The following EIF2S3B variants were observed in gnomAD, a reference collection of about 807,000 sequenced individuals.
The protein encoded by EIF2S3B is eukaryotic translation initiation factor 2 subunit 3B.
Under a neutral mutation model 26.4 loss-of-function variants are expected in EIF2S3B, and 16 were observed. The observed-to-expected ratio is 0.61, with a 90% CI of 0.41 to 0.92. EIF2S3B has a LOEUF of 0.92. Ranked by LOEUF, EIF2S3B falls within the 40% of genes least tolerant of loss-of-function variation. The probability of loss-of-function intolerance (pLI) is 0.00; values close to 1 mark genes in which losing one functional copy is unlikely to be tolerated. For synonymous variants in EIF2S3B, 183 were observed against 204.4 expected, an observed-to-expected ratio of 0.90 and a Z score of 0.89; for missense variants, 510 against 575.5, an observed-to-expected ratio of 0.89 and a Z score of 1.16.
At chr12:10,518,719 ACAAACAGAGAGC>A (rs1181113633) in intron 1 of EIF2S3B, among the ~76,000 whole-genome samples, 2 of 151,978 alleles carry the variant, frequency 1.3e-5, no homozygotes, top group Non-Finnish European at 2.9e-5. Context: ...CCAACAACAG[ACAAACAGAGAGC>A]CAAATCATGA....
rs752802018 is a variant in EIF2S3B at position 10,505,957 on chromosome 12, G to T, written c.55G>T (p.Asp19Tyr). Residue 19 changes from aspartate to tyrosine, a missense_variant, in exon 1 of 1, where the codon GAT (aspartate) becomes TAT (tyrosine). Coordinates refer to ENST00000538173, the MANE Select transcript of EIF2S3B (RefSeq NM_001357734.3). ...GGGGCAGCCGCACCTTTCGCGTCAGGATCTCACCACCTTGGATGTTACCAA... is the reference window on the plus strand; with the variant it reads ...GGGGCAGCCGCACCTTTCGCGTCAGTATCTCACCACCTTGGATGTTACCAA... ...TLGQPHLSRQ[D>Y]LTTLDVTKLT... is the part of the protein sequence containing the mutation. 1 of 1,604,356 alleles carries T rather than the reference G, an allele frequency of 6.2e-7. No homozygotes were observed. Among genetic ancestry groups the T allele is most frequent in the Non-Finnish European group, 8.5e-7 (1 of 1,171,092 alleles).
chr12:10,513,829 AC>A (rs1478231089), intron 1 of EIF2S3B, among the ~76,000 whole-genome samples: 1 of 152,212 alleles, frequency 6.6e-6, no homozygotes, highest in East Asian at 1.9e-4. Context: ...AGCCTGACCA[AC>A]ATGGTGAAAC....
Position 10,506,101 on chromosome 12 carries a change from G to A in EIF2S3B, c.199G>A (p.Val67Ile), listed in dbSNP as rs761401996. The change falls in exon 1 of 1, where the codon GTC becomes ATC. Residue 67 changes from valine (V) to isoleucine (I), a missense_variant. Coordinates refer to ENST00000538173, the MANE Select transcript of EIF2S3B (RefSeq NM_001357734.3). ...CAAAGCTATTTCTGGAGTTCACACC[G>A]TCAGGTTCAAAAATGAACTAGAAAG... The part of the protein sequence containing the change: ...VVKAISGVHT[V>I]RFKNELERNI... 56 of 1,592,986 alleles carry A rather than the reference G, an allele frequency of 3.5e-5. No individual in the cohort carries two copies. The highest frequency in any genetic ancestry group is 4.2e-5 in the Non-Finnish European group (49 of 1,160,858).
chr12:10,515,082 T>G (rs1299082327), intron 1 of EIF2S3B, among the ~76,000 whole-genome samples: 1 of 152,134 alleles, frequency 6.6e-6, no homozygotes, highest in East Asian at 1.9e-4. Flanking sequence ...ACCCAAGAAC[T>G]ATTTGCAATT....
downstream of EIF2S3B, among the ~76,000 whole-genome samples, chr12:10,511,446 C>T (rs981793817): frequency 6.6e-6 from 1 of 151,990 alleles, no homozygotes; most frequent in Non-Finnish European, 1.5e-5. Context: ...CATGAGCTAC[C>T]GCACCTGGCA....
chr12:10,506,040 A>C lies in EIF2S3B; in HGVS notation c.138A>C (p.Thr46=). The change falls in exon 1 of 1, where the codon ACA becomes ACC. Residue 46 remains threonine (T), a synonymous_variant. Coordinates refer to ENST00000538173, the MANE Select transcript of EIF2S3B (RefSeq NM_001357734.3). The part of the protein sequence containing the change: ...ISRQATINIG[T]IGHVAHGKST... Reference sequence around the variant, plus strand: ...GACAAGCCACAATTAATATAGGTACAATTGGTCATGTAGCTCATGGGAAAT... The same window carrying C: ...GACAAGCCACAATTAATATAGGTACCATTGGTCATGTAGCTCATGGGAAAT... The C allele has an allele frequency of 6.2e-7, 1 of 1,604,002 alleles. No individual in the cohort carries two copies. The highest frequency in any genetic ancestry group is 1.1e-5 in the South Asian group (1 of 90,890).
chr12:10,506,616 C>T lies in EIF2S3B; in HGVS notation c.714C>T (p.Tyr238=). The T allele has an allele frequency of 6.2e-7, 1 of 1,610,030 alleles. No homozygotes were observed. Among genetic ancestry groups the T allele is most frequent in the Non-Finnish European group, 8.5e-7 (1 of 1,176,340 alleles). Residue 238 remains tyrosine (Y), a synonymous_variant, in exon 1 of 1, where the codon TAC becomes TAT. Coordinates refer to ENST00000538173, the MANE Select transcript of EIF2S3B (RefSeq NM_001357734.3). ...LKYNIEVVCE[Y]IVKKIPVPPR... ...ACAATATTGAAGTTGTTTGTGAGTA[C>T]ATAGTAAAGAAAATTCCAGTACCCC...
At chr12:10,518,992 G>T (rs1423970884) in intron 1 of EIF2S3B, among the ~76,000 whole-genome samples, 3 of 151,410 alleles carry the variant, frequency 2.0e-5, no homozygotes, top group South Asian at 2.1e-4. Flanking sequence ...TTTCTTCACA[G>T]AATTGGAAAA....
chr12:10,511,481 G>A (rs1267983302), downstream of EIF2S3B, among the ~76,000 whole-genome samples: 1 of 152,064 alleles, frequency 6.6e-6, no homozygotes, highest in African/African-American at 2.4e-5. Flanking sequence ...AAAGAACAAA[G>A]TGAATGATGT....
chr12:10,508,731 A>AT (rs1200280170), downstream of EIF2S3B, among the ~76,000 whole-genome samples: 4 of 151,730 alleles, frequency 2.6e-5, no homozygotes. Context: ...GAATAATCAA[A>AT]TTTTTTCTTT....
downstream of EIF2S3B, among the ~76,000 whole-genome samples, chr12:10,511,882 C>T (rs577111886): frequency 5.9e-5 from 9 of 152,238 alleles, no homozygotes; most frequent in South Asian, 1.7e-3. Flanking sequence ...CAGTCTATGG[C>T]TCTGTTAAAA....
At chr12:10,521,074 G>A (rs556055294) in intron 1 of EIF2S3B, among the ~76,000 whole-genome samples, 1 of 152,268 alleles carries the variant, frequency 6.6e-6, no homozygotes, top group African/African-American at 2.4e-5. Flanking sequence ...ATATCCAGAT[G>A]TATATCTTCT....
downstream of EIF2S3B, among the ~76,000 whole-genome samples, chr12:10,512,549 C>A (rs1322090499): frequency 3.9e-5 from 6 of 152,104 alleles, no homozygotes; most frequent in African/African-American, 1.2e-4. Context: ...CCCTCATCTG[C>A]TACTTGACAT....
chr12:10,522,898 TC>T (rs889865970), exon 2 of EIF2S3B: 97 of 378,862 alleles, frequency 2.6e-4, no homozygotes, highest in African/African-American at 1.8e-3. Context: ...TTTATATCAG[TC>T]CAAGTTCTTG....
downstream of EIF2S3B, among the ~76,000 whole-genome samples, chr12:10,508,525 C>CAAAAAAAATAAAAAAA (rs1864671427): frequency 1.6e-5 from 1 of 62,972 alleles, no homozygotes; most frequent in Non-Finnish European, 2.9e-5. Flanking sequence ...TGTTAGAAAG[C>CAAAAAAAATAAAAAAA]AAAAAAAAAA....
At chr12:10,518,285 G>A (rs1013133413) in intron 1 of EIF2S3B, among the ~76,000 whole-genome samples, 18 of 152,002 alleles carry the variant, frequency 1.2e-4, no homozygotes, top group African/African-American at 3.9e-4. Context: ...TATGAATCTG[G>A]GTGCTCCTGT....
rs1345406633 is a variant in EIF2S3B, at chr12:10,507,468, T to C, written c.*147T>C. ...GGTAACGGTAAGGTTATTCTCTCTT[T>C]TTTTTTTTGGTTATGAAAACTTAGG... On this transcript the variant is annotated 3_prime_UTR_variant, in exon 1 of 1. Transcript: ENST00000538173. 1 of 922,866 alleles carries C rather than the reference T, an allele frequency of 1.1e-6. No individual in the cohort carries two copies. The highest frequency in any genetic ancestry group is 1.6e-6 in the Non-Finnish European group (1 of 619,334). 57.2% of individuals were successfully genotyped at this position (922,866 alleles called of 1,614,324 possible).
chr12:10,515,605 C>G (rs961486258), intron 1 of EIF2S3B, among the ~76,000 whole-genome samples: 6 of 151,946 alleles, frequency 3.9e-5, no homozygotes, highest in Admixed American at 3.9e-4. Context: ...GTTCTTCACT[C>G]TATAACTCTA....
Position 10,507,493 on chromosome 12 carries a change from G to A in EIF2S3B, c.*172G>A. The stretch of plus-strand genomic sequence containing the variant: ...TTTTTTTTTGGTTATGAAAACTTAG[G>A]GACTACAATTAGTATAAAAATTGGC... On this transcript the variant is annotated 3_prime_UTR_variant, in exon 1 of 1. Transcript: ENST00000538173. 1 of 731,332 alleles carries A rather than the reference G, an allele frequency of 1.4e-6. No individual in the cohort carries two copies. The highest frequency in any genetic ancestry group is 2.2e-6 in the Non-Finnish European group (1 of 452,612). 45.3% of individuals were successfully genotyped at this position (731,332 alleles called of 1,614,324 possible). A position where few individuals can be genotyped will look rare whatever the true frequency, so the allele number is the denominator to read the frequency against.
Sources: gnomAD v4.1 joint callset for allele counts (sites outside exome capture counted in the v4.1 genomes callset) on GRCh38, gnomAD v4.1.1 for gene constraint, MANE v1.5 for transcripts, NCBI Gene and HGNC (gene_info 2026-07-23, HGNC 2026-07-21) for gene names.